CWC27: variants seen among roughly 807,000 people sequenced by gnomAD.
The protein encoded by CWC27 is CWC27 spliceosome associated cyclophilin, also known as spliceosome-associated protein CWC27 homolog.
Under a neutral mutation model 63.6 loss-of-function variants are expected in CWC27, and 47 were observed. The ratio of observed to expected loss-of-function variants is 0.74; its 90% confidence interval spans 0.58 to 0.94. The LOEUF (loss-of-function observed/expected upper bound fraction) is 0.94. CWC27 is among the 40% of genes least tolerant of loss of function. The probability of loss-of-function intolerance (pLI) is 0.00; values close to 1 mark genes in which losing one functional copy is unlikely to be tolerated. For synonymous variants in CWC27, 175 were observed against 179.8 expected, an observed-to-expected ratio of 0.97 and a Z score of 0.22; for missense variants, 495 against 554.3, an observed-to-expected ratio of 0.89 and a Z score of 1.07.
At chr5:64,897,285 C>T (rs1397509100) in intron 11 of CWC27, among the ~76,000 whole-genome samples, 1 of 152,126 alleles carries the variant, frequency 6.6e-6, no homozygotes, top group Non-Finnish European at 1.5e-5. Flanking sequence ...CACATGCACA[C>T]GTATGTTTAT....
At chr5:64,859,027 T>G in intron 10 of CWC27, among the ~76,000 whole-genome samples, 1 of 152,304 alleles carries the variant, frequency 6.6e-6, no homozygotes, top group East Asian at 1.9e-4. Flanking sequence ...AAACAATTAT[T>G]GGAAATGTTT....
chr5:64,830,177 C>T (rs1745479949), intron 10 of CWC27, among the ~76,000 whole-genome samples: 1 of 151,424 alleles, frequency 6.6e-6, no homozygotes, highest in Non-Finnish European at 1.5e-5. Context: ...CCTCCCCCGG[C>T]CCCCCATGAC....
At chr5:64,958,376 C>T (rs1404178875) in intron 11 of CWC27, among the ~76,000 whole-genome samples, 1 of 152,160 alleles carries the variant, frequency 6.6e-6, no homozygotes, top group Admixed American at 6.5e-5. Flanking sequence ...TTAGCACAAT[C>T]ATTGAACTTC....
intron 7 of CWC27, among the ~76,000 whole-genome samples, chr5:64,794,569 A>G (rs1163052915): frequency 6.6e-6 from 1 of 152,082 alleles, no homozygotes; most frequent in East Asian, 1.9e-4. Flanking sequence ...GACAAACTAG[A>G]TGCATCCAGA....
At chr5:64,854,244 G>A (rs1294403702) in intron 10 of CWC27, among the ~76,000 whole-genome samples, 1 of 152,164 alleles carries the variant, frequency 6.6e-6, no homozygotes, top group Non-Finnish European at 1.5e-5. Flanking sequence ...CTTGGCTGTT[G>A]TGGATAATGC....
At chr5:64,912,727 A>C (rs1228658914) in intron 11 of CWC27, among the ~76,000 whole-genome samples, 2 of 152,160 alleles carry the variant, frequency 1.3e-5, no homozygotes, top group Non-Finnish European at 2.9e-5. Context: ...AAATGCTCTC[A>C]AAATGCTATT....
chr5:64,985,669 G>C (rs1428507442), intron 13 of CWC27, among the ~76,000 whole-genome samples: 1 of 152,114 alleles, frequency 6.6e-6, no homozygotes, highest in East Asian at 1.9e-4. Flanking sequence ...TTTTTTTGTT[G>C]CTTTTTGTTT....
rs143097754 is a variant in CWC27 at position 64,958,601 on chromosome 5, G to A, written c.1043-13102G>A. Among the ~76,000 whole-genome samples the A allele has an allele frequency of 1.6e-4, 24 of 152,140 alleles. No individual in the cohort carries two copies. The East Asian group carries it at 1.7e-3, about 11-fold the overall frequency. ...CCCTTCTCTAATGGAAAATACAGTC[G>A]AAAATCAGTGAGTATTTTCAAGTTT... On this transcript the variant is annotated intron_variant, in intron 11 of 13. Coordinates refer to ENST00000381070, the MANE Select transcript of CWC27 (RefSeq NM_005869.4).
At chr5:65,004,552 T>C (rs1289091654) in intron 13 of CWC27, among the ~76,000 whole-genome samples, 1 of 145,006 alleles carries the variant, frequency 6.9e-6, no homozygotes, top group African/African-American at 2.6e-5. Context: ...GATACTTTTA[T>C]ATGATATCTA....
intron 11 of CWC27, among the ~76,000 whole-genome samples, chr5:64,902,045 T>C (rs1440090839): frequency 1.3e-5 from 2 of 152,182 alleles, no homozygotes; most frequent in African/African-American, 4.8e-5. Context: ...AATACCTCCA[T>C]ACGGACCTGT....
chr5:64,925,575 G>A (rs1182159520), intron 11 of CWC27, among the ~76,000 whole-genome samples: 1 of 152,212 alleles, frequency 6.6e-6, no homozygotes, highest in Non-Finnish European at 1.5e-5. Context: ...TTATTGGCCA[G>A]TGCTGAGTCA....
intron 10 of CWC27, among the ~76,000 whole-genome samples, chr5:64,882,343 T>C (rs1212506594): frequency 6.6e-6 from 1 of 152,170 alleles, no homozygotes; most frequent in African/African-American, 2.4e-5. Flanking sequence ...GATTTCAGGT[T>C]TGGACATAAA....
chr5:64,800,277 T>C lies in CWC27; in HGVS notation c.699T>C (p.His233=). 1 of 1,612,822 alleles carries C rather than the reference T, an allele frequency of 6.2e-7. No homozygotes were observed. Among genetic ancestry groups the C allele is most frequent in the Non-Finnish European group, 8.5e-7 (1 of 1,179,162 alleles). The change falls in exon 8 of 14, where the codon CAT becomes CAC. Residue 233 remains histidine (H), a synonymous_variant. Transcript: ENST00000381070. Reference sequence around the variant, plus strand: ...TGAAGGGCAAAAGCAAAAGTAGTCATGACTTGCTTAAGGATGATCCACATC... The same window carrying C: ...TGAAGGGCAAAAGCAAAAGTAGTCACGACTTGCTTAAGGATGATCCACATC... The part of the protein sequence containing the change: ...QSMKGKSKSS[H]DLLKDDPHLS...
intron 11 of CWC27, among the ~76,000 whole-genome samples, chr5:64,937,036 C>CA (rs1463676862): frequency 6.6e-5 from 10 of 151,834 alleles, no homozygotes; most frequent in Non-Finnish European, 5.9e-5. Flanking sequence ...TTGATATTTT[C>CA]AAAAAAATCC....
At chr5:64,797,470 A>G (rs183860995) in intron 7 of CWC27, among the ~76,000 whole-genome samples, 1 of 152,268 alleles carries the variant, frequency 6.6e-6, no homozygotes, top group East Asian at 1.9e-4. Context: ...ATATATTTCT[A>G]TACTAATTTA....
intron 7 of CWC27, among the ~76,000 whole-genome samples, chr5:64,799,517 C>A (rs910101124): frequency 4.7e-5 from 7 of 150,422 alleles, no homozygotes; most frequent in Non-Finnish European, 7.4e-5. Flanking sequence ...ACCCCGGAAG[C>A]GGAGATTGCA....
intron 10 of CWC27, among the ~76,000 whole-genome samples, chr5:64,821,520 C>G (rs1470337059): frequency 1.1e-4 from 16 of 152,096 alleles, no homozygotes; most frequent in Admixed American, 1.0e-3. Flanking sequence ...GAATAAGGAA[C>G]TAGAGGAAAA....
Position 64,882,148 on chromosome 5 carries a change from G to A in CWC27, c.939-3295G>A, listed in dbSNP as rs192390202. Among the ~76,000 whole-genome samples, 3 of 152,252 alleles carry A rather than the reference G, an allele frequency of 2.0e-5. No homozygotes were observed. In the East Asian group the frequency reaches 5.8e-4, roughly 29 times the overall value. On this transcript the variant is annotated intron_variant, in intron 10 of 13. Transcript: ENST00000381070. ...TGACAGCCTAAACTAGGCATTGATG[G>A]TTAAAGTCAAGAGGAGCTGTTATAT...
intron 5 of CWC27, among the ~76,000 whole-genome samples, chr5:64,786,244 G>T (rs1262258701): frequency 6.7e-6 from 1 of 150,332 alleles, no homozygotes; most frequent in Non-Finnish European, 1.5e-5. Context: ...CATCTGAGTT[G>T]ATCTTGTTTA....
Sources: allele counts gnomAD v4.1 joint callset (sites outside exome capture counted in the v4.1 genomes callset), GRCh38; gene constraint gnomAD v4.1.1; transcripts MANE v1.5; gene names NCBI Gene and HGNC (gene_info 2026-07-23, HGNC 2026-07-21).